RAB5A: variants seen among roughly 807,000 people sequenced by gnomAD.
RAB5A encodes the protein ras-related protein Rab-5A.
A neutral mutation model predicts 25.7 loss-of-function variants in RAB5A; 8 were observed. The ratio of observed to expected loss-of-function variants is 0.31; its 90% CI spans 0.18 to 0.56. The LOEUF (loss-of-function observed/expected upper bound fraction) is 0.56. RAB5A is among the 20% of genes least tolerant of loss of function. RAB5A has a pLI of 0.91. For missense variants in RAB5A, 192 were observed against 259.7 expected (o/e 0.74, Z 1.79); for synonymous variants, 98 against 89.8 (o/e 1.09, Z -0.52).
intron 2 of RAB5A, among the ~76,000 whole-genome samples, chr3:19,959,003 A>G (rs570661530): frequency 6.6e-6 from 1 of 152,330 alleles, no homozygotes; most frequent in African/African-American, 2.4e-5. Context: ...TTCTCATTAA[A>G]CAATACAGTC....
chr3:19,978,475 C>A, intron 5 of RAB5A, 72 bp downstream of exon 5: 1 of 1,199,002 alleles, frequency 8.3e-7, no homozygotes, highest in Non-Finnish European at 1.2e-6. Context: ...GTTTGACTGT[C>A]TCTTTTTTAA....
chr3:19,984,831 C>A lies in RAB5A; in HGVS notation c.*1008C>A, dbSNP rs975464992. 1 of 152,856 alleles carries A rather than the reference C, an allele frequency of 6.5e-6. No homozygotes were observed. The highest frequency in any genetic ancestry group is 1.5e-5 in the Non-Finnish European group (1 of 68,284). 9.5% of individuals were successfully genotyped at this position (152,856 alleles called of 1,614,324 possible). On this transcript the variant is annotated 3_prime_UTR_variant, in exon 6 of 6. Coordinates refer to ENST00000273047, the MANE Select transcript of RAB5A (RefSeq NM_004162.5). ...AAACAGCTAATTATTTCTCTCTCCC[C>A]CTTTGACAGGAAGGGGCTTCAGTTG...
Position 19,983,914 on chromosome 3 carries a change from C to A in RAB5A, c.*91C>A. On this transcript the variant is annotated 3_prime_UTR_variant, in exon 6 of 6. Coordinates refer to ENST00000273047, the MANE Select transcript of RAB5A (RefSeq NM_004162.5). ...GCATTTAACCAGCCCAGTATGACTT[C>A]CAAAAGAAGAGACTTATGATAGAGT... 2 of 839,114 alleles carry A rather than the reference C, an allele frequency of 2.4e-6. No homozygotes were observed. Among genetic ancestry groups the A allele is most frequent in the Non-Finnish European group, 3.8e-6 (2 of 528,776 alleles). The allele number at this position is 839,114 out of a possible 1,614,324, so 52.0% of individuals were successfully genotyped here. A position where few individuals can be genotyped will look rare whatever the true frequency, so the allele number is the denominator to read the frequency against.
At chr3:19,966,662 C>A (rs746192918) in intron 2 of RAB5A, among the ~76,000 whole-genome samples, 47 of 152,308 alleles carry the variant, frequency 3.1e-4, no homozygotes, top group Admixed American at 1.8e-3. Flanking sequence ...TCCACATGAT[C>A]ACCCACACTT....
chr3:19,949,673 A>G, intron 1 of RAB5A, among the ~76,000 whole-genome samples: 1 of 152,212 alleles, frequency 6.6e-6, no homozygotes. Context: ...AATATTCACT[A>G]ATTCCTTAGA....
At chr3:19,959,047 T>G (rs1696546162) in intron 2 of RAB5A, among the ~76,000 whole-genome samples, 1 of 152,236 alleles carries the variant, frequency 6.6e-6, no homozygotes. Context: ...TTAAAATGTA[T>G]TTCAAGATTT....
In RAB5A at chr3:19,960,630, C is replaced by A. The variant is rs529316310; in HGVS notation, c.163+9569C>A. On this transcript the variant is annotated intron_variant, in intron 2 of 5. Transcript: ENST00000273047. ...TTTTTGTCTTTTAATTCATTGGCTA[C>A]CTTGATGTATATGTAAACTTTAGTT... Among the ~76,000 whole-genome samples the A allele has an allele frequency of 9.9e-5, 15 of 152,264 alleles. 1 individual carries two copies. In the South Asian group the frequency reaches 3.1e-3, roughly 32 times the overall value.
intron 5 of RAB5A, chr3:19,980,153 CAG>C (rs1324845967): frequency 1.3e-5 from 2 of 152,174 alleles, no homozygotes; most frequent in South Asian, 2.1e-4. Context: ...ACAAATGTGA[CAG>C]ATGACACCCA....
chr3:19,948,929 A>G (rs772471369), intron 1 of RAB5A, among the ~76,000 whole-genome samples: 7 of 152,178 alleles, frequency 4.6e-5, no homozygotes, highest in Non-Finnish European at 8.8e-5. Flanking sequence ...ATGATGTTCT[A>G]TTGATATTTT....
chr3:19,972,041 T>A (rs1696759867), intron 2 of RAB5A, among the ~76,000 whole-genome samples: 1 of 152,110 alleles, frequency 6.6e-6, no homozygotes, highest in Admixed American at 6.6e-5. Context: ...TGAGCATCCC[T>A]AATCTGAAGT....
intron 2 of RAB5A, 196 bp from the exon 3 acceptor site, chr3:19,975,405 T>C (rs532491806): frequency 1.0e-5 from 5 of 484,624 alleles, no homozygotes; most frequent in African/African-American, 9.8e-5. Context: ...CAGCTGTGGG[T>C]ATGCAATCTG....
intron 2 of RAB5A, among the ~76,000 whole-genome samples, chr3:19,972,168 A>G (rs1696761668): frequency 6.6e-6 from 1 of 152,148 alleles, no homozygotes; most frequent in Non-Finnish European, 1.5e-5. Flanking sequence ...TAATGCACAA[A>G]ATTATTTTAG....
intron 2 of RAB5A, among the ~76,000 whole-genome samples, chr3:19,964,296 A>G (rs1261164678): frequency 6.6e-6 from 1 of 152,130 alleles, no homozygotes; most frequent in African/African-American, 2.4e-5. Flanking sequence ...CCTTAAAGCT[A>G]AGCTAATTTC....
chr3:19,978,544 A>AG, intron 5 of RAB5A, 141 bp downstream of exon 5: 1 of 585,506 alleles, frequency 1.7e-6, no homozygotes. Context: ...AGAGAGAGAG[A>AG]GATTATACCA....
Position 19,947,137 on chromosome 3 carries a change from G to C in RAB5A, c.-478G>C, listed in dbSNP as rs866172626. ...GCGACGTGGCGGCGGGGCCGGCACCGGGCAGCGGAAGTGGCTCCGGCGGTG... is the reference window on the plus strand; with the variant it reads ...GCGACGTGGCGGCGGGGCCGGCACCCGGCAGCGGAAGTGGCTCCGGCGGTG... On this transcript the variant is annotated 5_prime_UTR_variant, in exon 1 of 6. Coordinates refer to ENST00000273047, the MANE Select transcript of RAB5A (RefSeq NM_004162.5). The C allele has an allele frequency of 6.4e-6, 1 of 156,256 alleles. No homozygotes were observed. The highest frequency in any genetic ancestry group is 1.4e-5 in the Non-Finnish European group (1 of 70,854). The allele number at this position is 156,256 out of a possible 1,614,324, so 9.7% of individuals were successfully genotyped here.
At chr3:19,976,249 T>C (rs1382616465) in intron 4 of RAB5A, 80 bp downstream of exon 4, 2 of 1,462,784 alleles carry the variant, frequency 1.4e-6, no homozygotes, top group African/African-American at 1.4e-5. Context: ...GAATTAGTTA[T>C]AATGTCAAAA....
At chr3:19,975,214 C>CA (rs765855763) in intron 2 of RAB5A, among the ~76,000 whole-genome samples, 2,807 of 114,592 alleles carry the variant, frequency 0.024, 60 homozygotes, top group African/African-American at 0.079. Flanking sequence ...ACTCTTGTAT[C>CA]AAAAAAAAAA....
At chr3:19,958,325 G>C (rs1003623869) in intron 2 of RAB5A, among the ~76,000 whole-genome samples, 2 of 152,088 alleles carry the variant, frequency 1.3e-5, no homozygotes, top group African/African-American at 2.4e-5. Flanking sequence ...CAGAGAAGTT[G>C]GTAGAGATTT....
chr3:19,979,961 TA>T (rs1476057120), intron 5 of RAB5A: 2 of 152,226 alleles, frequency 1.3e-5, no homozygotes, highest in African/African-American at 4.8e-5. Context: ...GAAAACCCAG[TA>T]AAAGTTGCAA....
Sources: allele counts gnomAD v4.1 joint callset (sites outside exome capture counted in the v4.1 genomes callset), GRCh38; gene constraint gnomAD v4.1.1; transcripts MANE v1.5; gene names NCBI Gene and HGNC (gene_info 2026-07-23, HGNC 2026-07-21).